TSPAN3: variants seen among roughly 807,000 people sequenced by gnomAD.
TSPAN3 encodes tetraspanin-3.
In TSPAN3, 9 loss-of-function variants were observed where a neutral mutation model predicts 31.1. The ratio of observed to expected loss-of-function variants is 0.29; its 90% CI spans 0.17 to 0.50. The LOEUF (loss-of-function observed/expected upper bound fraction) is 0.50, where lower values mean the gene tolerates loss of function less well. Among genes scored for constraint, TSPAN3 ranks in the 20% least tolerant of loss-of-function variants. TSPAN3 has a pLI of 0.98. For synonymous variants in TSPAN3, 129 were observed against 114.3 expected, an observed-to-expected ratio of 1.13 and a Z score of -0.82; for missense variants, 252 against 313.5, an observed-to-expected ratio of 0.80 and a Z score of 1.48.
chr15:77,041,800 G>C lies in TSPAN3; in HGVS notation c.*5035C>G, dbSNP rs1329099514. ...TGCTTTGAAACTAGATACAGGCAGT[G>C]GTTCTATAGCATGGTGAATGTACTC... On this transcript the variant is annotated 3_prime_UTR_variant, in exon 7 of 7. Coordinates refer to ENST00000267970, the MANE Select transcript of TSPAN3 (RefSeq NM_005724.6). 1 of 152,110 alleles carries C rather than the reference G, an allele frequency of 6.6e-6. No individual in the cohort carries two copies. 9.4% of individuals were successfully genotyped at this position (152,110 alleles called of 1,614,324 possible).
rs1433619139 is a variant in TSPAN3, at chr15:77,041,571, A to T, written c.*5264T>A. On this transcript the variant is annotated 3_prime_UTR_variant, in exon 7 of 7. Coordinates refer to ENST00000267970, the MANE Select transcript of TSPAN3 (RefSeq NM_005724.6). The stretch of plus-strand genomic sequence containing the variant: ...TGCTAATTTTTTGTATTTTTAATAG[A>T]GATGGGTTTCACCATGTTGGCCAGG... The T allele has an allele frequency of 6.6e-6, 1 of 152,066 alleles. No homozygotes were observed. Among genetic ancestry groups the T allele is most frequent in the Non-Finnish European group, 1.5e-5 (1 of 68,010 alleles). 9.4% of individuals were successfully genotyped at this position (152,066 alleles called of 1,614,324 possible).
Position 77,042,461 on chromosome 15 carries a change from G to C in TSPAN3, c.*4374C>G, listed in dbSNP as rs2076665466. On this transcript the variant is annotated 3_prime_UTR_variant, in exon 7 of 7. Coordinates refer to ENST00000267970, the MANE Select transcript of TSPAN3 (RefSeq NM_005724.6). ...CCCAGGGGCCTGGAACATCTTGTTA[G>C]ATCAGAAATTAGGGGAGTGCTTCCA... 1 of 152,160 alleles carries C rather than the reference G, an allele frequency of 6.6e-6. No homozygotes were observed. The highest frequency in any genetic ancestry group is 1.5e-5 in the Non-Finnish European group (1 of 68,042). 9.4% of individuals were successfully genotyped at this position (152,160 alleles called of 1,614,324 possible).
chr15:77,053,113 A>G (rs2076742548), intron 4 of TSPAN3, among the ~76,000 whole-genome samples, 184 bp from the exon 5 acceptor site: 1 of 152,190 alleles, frequency 6.6e-6, no homozygotes, highest in Admixed American at 6.5e-5. Context: ...GAGCACTTAA[A>G]TTGTGGCTAG....
At chr15:77,062,534 G>A (rs1033865973) in intron 1 of TSPAN3, among the ~76,000 whole-genome samples, 3 of 152,150 alleles carry the variant, frequency 2.0e-5, no homozygotes, top group Non-Finnish European at 4.4e-5. Context: ...AAACTGATCA[G>A]CAATAAAGTT....
intron 1 of TSPAN3, chr15:77,064,788 T>C (rs916400254): frequency 2.6e-5 from 4 of 152,248 alleles, no homozygotes; most frequent in Non-Finnish European, 5.9e-5. Flanking sequence ...GTGTGTCCCA[T>C]GACATATTCT....
At chr15:77,060,825 T>C (rs919317935) in intron 1 of TSPAN3, among the ~76,000 whole-genome samples, 1 of 152,032 alleles carries the variant, frequency 6.6e-6, no homozygotes, top group African/African-American at 2.4e-5. Context: ...GCCAGGACAG[T>C]GTACTAAAAA....
In TSPAN3 at chr15:77,047,397, TG is replaced by T. The variant is rs139735442; in HGVS notation, c.670-471del. Among the ~76,000 whole-genome samples the T allele has an allele frequency of 4.9e-4, 75 of 152,358 alleles. No individual in the cohort carries two copies. The East Asian group carries it at 0.013, about 27-fold the overall frequency. On this transcript the variant is annotated intron_variant, in intron 6 of 6. Coordinates refer to ENST00000267970, the MANE Select transcript of TSPAN3 (RefSeq NM_005724.6). The stretch of plus-strand genomic sequence containing the variant: ...GACAGCAAAGGCCTGGGGAGTAGAA[TG>T]AGCAAGAATGTGTGTGTTTAATAGT...
chr15:77,059,218 G>A (rs1185283237), intron 1 of TSPAN3, among the ~76,000 whole-genome samples: 1 of 151,684 alleles, frequency 6.6e-6, no homozygotes, highest in East Asian at 1.9e-4. Flanking sequence ...GAGTAGCTGG[G>A]ATTACAGGCG....
chr15:77,051,394 A>T (rs2076729859), intron 6 of TSPAN3, among the ~76,000 whole-genome samples: 1 of 151,934 alleles, frequency 6.6e-6, no homozygotes, highest in Admixed American at 6.6e-5. Context: ...TGGGCATGGT[A>T]GCGGGAACCT....
Position 77,054,283 on chromosome 15 carries a change from A to C in TSPAN3, c.331-4T>G. ...TGCGATCAACCTCATTTTCCACCTG[A>C]ATCAGAACAAAGAATTCAGTCCCTC... On this transcript the variant is annotated splice_polypyrimidine_tract_variant and splice_region_variant and intron_variant, in intron 3 of 6. Coordinates refer to ENST00000267970, the MANE Select transcript of TSPAN3 (RefSeq NM_005724.6). 1 of 1,605,164 alleles carries C rather than the reference A, an allele frequency of 6.2e-7. No homozygotes were observed. The highest frequency in any genetic ancestry group is 8.5e-7 in the Non-Finnish European group (1 of 1,172,306).
intron 1 of TSPAN3, among the ~76,000 whole-genome samples, chr15:77,069,387 C>G (rs1455189617): frequency 6.6e-6 from 1 of 152,018 alleles, no homozygotes; most frequent in African/African-American, 2.4e-5. Flanking sequence ...ACGACTTTTG[C>G]TAATGGAACT....
intron 1 of TSPAN3, among the ~76,000 whole-genome samples, chr15:77,059,035 T>TG (rs972199543): frequency 1.4e-4 from 22 of 152,154 alleles, no homozygotes; most frequent in African/African-American, 5.1e-4. Flanking sequence ...AGCACAAAAG[T>TG]GGGGGGGAGT....
chr15:77,070,766 C>A (rs1596175050), intron 1 of TSPAN3, 126 bp downstream of exon 1: 1 of 358,598 alleles, frequency 2.8e-6, no homozygotes, highest in Admixed American at 6.6e-5. Context: ...CTCGCCTCAG[C>A]CGCCTGAGGG....
At position 77,071,093 on chromosome 15, in the gene TSPAN3, C is replaced by A. The variant is rs913306852; in HGVS notation, c.-139G>T. 2 of 480,434 alleles carry A rather than the reference C, an allele frequency of 4.2e-6. No individual in the cohort carries two copies. The highest frequency in any genetic ancestry group is 6.3e-6 in the Non-Finnish European group (2 of 316,550). 29.8% of individuals were successfully genotyped at this position (480,434 alleles called of 1,614,324 possible). A position where few individuals can be genotyped will look rare whatever the true frequency, so the allele number is the denominator to read the frequency against. ...CCGCAGCCCCTGCGCCGTCGCGCAG[C>A]CCCGACCCCAGCAAGTGCCTCGCTC... On this transcript the variant is annotated 5_prime_UTR_variant, in exon 1 of 7. Transcript: ENST00000267970.
chr15:77,058,159 C>T (rs1407601917), intron 1 of TSPAN3, among the ~76,000 whole-genome samples: 1 of 152,186 alleles, frequency 6.6e-6, no homozygotes, highest in Non-Finnish European at 1.5e-5. Context: ...CTTATTGACT[C>T]TCCCTGCATC....
At chr15:77,062,354 A>G (rs951117968) in intron 1 of TSPAN3, among the ~76,000 whole-genome samples, 1 of 152,226 alleles carries the variant, frequency 6.6e-6, no homozygotes, top group Non-Finnish European at 1.5e-5. Flanking sequence ...TTACGTCACT[A>G]AACACAACTA....
At chr15:77,070,707 G>A (rs2076863369) in intron 1 of TSPAN3, among the ~76,000 whole-genome samples, 185 bp downstream of exon 1, 1 of 151,506 alleles carries the variant, frequency 6.6e-6, no homozygotes, top group Non-Finnish European at 1.5e-5. Context: ...CAGGCTCCCG[G>A]CTTGGTCCGG....
chr15:77,060,477 C>T (rs1341928927), intron 1 of TSPAN3, among the ~76,000 whole-genome samples: 5 of 151,816 alleles, frequency 3.3e-5, no homozygotes, highest in Admixed American at 2.0e-4. Context: ...TGAAAAACAC[C>T]CAAAAGAACA....
intron 1 of TSPAN3, 31 bp from the exon 2 acceptor site, chr15:77,056,286 A>C (rs1318233046): frequency 6.6e-7 from 1 of 1,524,206 alleles, no homozygotes; most frequent in African/African-American, 1.4e-5. Context: ...ACTGGTCTCT[A>C]AGCACTGCTG....
Sources: allele counts gnomAD v4.1 joint callset (sites outside exome capture counted in the v4.1 genomes callset), GRCh38; gene constraint gnomAD v4.1.1; transcripts MANE v1.5; gene names NCBI Gene and HGNC (gene_info 2026-07-23, HGNC 2026-07-21).